ADAM12: variants seen among roughly 807,000 people sequenced by gnomAD.
The protein encoded by ADAM12 is disintegrin and metalloproteinase domain-containing protein 12.
In ADAM12, 70 loss-of-function variants were observed where a neutral mutation model predicts 106.4. The observed-to-expected ratio is 0.66, with a 90% CI of 0.54 to 0.80. The LOEUF (loss-of-function observed/expected upper bound fraction) is 0.80. ADAM12 is among the 30% of genes least tolerant of loss of function. The probability of loss-of-function intolerance (pLI) is 0.00; values close to 1 mark genes in which losing one functional copy is unlikely to be tolerated. For missense variants in ADAM12, 1,010 were observed against 1,171.9 expected (o/e 0.86, Z 2.02); for synonymous variants, 420 against 433.5 (o/e 0.97, Z 0.39).
chr10:126,327,273 A>T (rs1486257897), intron 2 of ADAM12, among the ~76,000 whole-genome samples: 2 of 152,154 alleles, frequency 1.3e-5, no homozygotes. Flanking sequence ...GAAAATCATG[A>T]TGAGTTAGAT....
At chr10:126,217,215 G>A (rs899640274) in intron 3 of ADAM12, among the ~76,000 whole-genome samples, 3 of 152,234 alleles carry the variant, frequency 2.0e-5, no homozygotes, top group Admixed American at 6.5e-5. Context: ...AATACATTGT[G>A]ATCTTTGAAA....
At chr10:126,342,111 A>T (rs1275224274) in intron 1 of ADAM12, among the ~76,000 whole-genome samples, 1 of 152,156 alleles carries the variant, frequency 6.6e-6, no homozygotes, top group Non-Finnish European at 1.5e-5. Flanking sequence ...ACTTGCAGGG[A>T]TGACTGTGGC....
intron 3 of ADAM12, among the ~76,000 whole-genome samples, chr10:126,180,675 G>C (rs1007672679): frequency 6.6e-6 from 1 of 152,166 alleles, no homozygotes; most frequent in African/African-American, 2.4e-5. Flanking sequence ...AAATATTTAT[G>C]AAGTTTTAAT....
At chr10:126,288,003 G>A (rs1466361953) in intron 2 of ADAM12, among the ~76,000 whole-genome samples, 1 of 151,724 alleles carries the variant, frequency 6.6e-6, no homozygotes, top group Non-Finnish European at 1.5e-5. Context: ...GGGGATGCAG[G>A]AGGAACACTA....
At chr10:126,118,765 G>A (rs576132243) in intron 5 of ADAM12, among the ~76,000 whole-genome samples, 16 of 152,200 alleles carry the variant, frequency 1.1e-4, no homozygotes, top group African/African-American at 3.1e-4. Flanking sequence ...CCCGCCTCTT[G>A]GCCTCCCCCT....
At chr10:126,248,136 G>A (rs569954457) in intron 3 of ADAM12, among the ~76,000 whole-genome samples, 2 of 152,290 alleles carry the variant, frequency 1.3e-5, no homozygotes, top group Admixed American at 1.3e-4. Context: ...GTCCTCATCT[G>A]CAGATTGAGT....
chr10:126,152,789 C>A (rs1353024924), intron 4 of ADAM12, among the ~76,000 whole-genome samples: 3 of 152,032 alleles, frequency 2.0e-5, no homozygotes, highest in African/African-American at 4.8e-5. Flanking sequence ...TTTTATCTTG[C>A]TATTTTATGT....
At chr10:126,080,528 G>A (rs188243151) in intron 11 of ADAM12, among the ~76,000 whole-genome samples, 1 of 148,308 alleles carries the variant, frequency 6.7e-6, no homozygotes, top group Admixed American at 6.7e-5. Context: ...CTGCGGCCCA[G>A]GAAAAAAAAG....
intron 17 of ADAM12, among the ~76,000 whole-genome samples, chr10:126,045,353 T>C (rs564153410): frequency 8.5e-4 from 129 of 152,246 alleles, no homozygotes; most frequent in Non-Finnish European, 1.5e-3. Flanking sequence ...ATGATGGTAA[T>C]TTACAACCCC....
intron 3 of ADAM12, among the ~76,000 whole-genome samples, chr10:126,217,956 C>T (rs1958018636): frequency 6.8e-6 from 1 of 147,040 alleles, no homozygotes; most frequent in Non-Finnish European, 1.5e-5. Flanking sequence ...GCCTGGGTAA[C>T]AGAGCAAGAC....
intron 11 of ADAM12, among the ~76,000 whole-genome samples, chr10:126,093,325 A>C (rs978572832): frequency 6.6e-6 from 1 of 152,210 alleles, no homozygotes; most frequent in African/African-American, 2.4e-5. Context: ...GAACACTCCA[A>C]ATAATGGAAC....
At chr10:126,133,634 G>A (rs1956348709) in intron 5 of ADAM12, among the ~76,000 whole-genome samples, 1 of 151,800 alleles carries the variant, frequency 6.6e-6, no homozygotes. Context: ...TCAGCTCCAA[G>A]CTCCCTGGCA....
chr10:126,197,284 T>C (rs1351230634), intron 3 of ADAM12, among the ~76,000 whole-genome samples: 1 of 152,186 alleles, frequency 6.6e-6, no homozygotes, highest in Non-Finnish European at 1.5e-5. Flanking sequence ...ATTGGTGAAC[T>C]CTGGAAGAAG....
At chr10:126,104,895 G>A (rs79621312) in intron 8 of ADAM12, among the ~76,000 whole-genome samples, 2,388 of 152,288 alleles carry the variant, frequency 0.016, 76 homozygotes, top group East Asian at 0.079. Context: ...TGGCACAGTC[G>A]TTGTTTTCTG....
intron 3 of ADAM12, among the ~76,000 whole-genome samples, chr10:126,174,897 C>A (rs1048560638): frequency 1.3e-5 from 2 of 151,994 alleles, no homozygotes; most frequent in African/African-American, 4.8e-5. Context: ...GGACTACAGG[C>A]ACCTGCCACC....
intron 3 of ADAM12, among the ~76,000 whole-genome samples, chr10:126,165,107 C>G (rs1321233897): frequency 6.6e-6 from 1 of 152,168 alleles, no homozygotes; most frequent in Admixed American, 6.5e-5. Flanking sequence ...TTGCCCTCAT[C>G]ATCTTGCCAT....
intron 14 of ADAM12, among the ~76,000 whole-genome samples, chr10:126,052,837 G>A (rs1402064067): frequency 1.3e-5 from 2 of 152,186 alleles, no homozygotes; most frequent in Non-Finnish European, 2.9e-5. Context: ...AAGTATAAAA[G>A]CATTCTGGAA....
At chr10:126,277,429 C>T (rs1250488415) in intron 3 of ADAM12, among the ~76,000 whole-genome samples, 2 of 152,106 alleles carry the variant, frequency 1.3e-5, no homozygotes, top group African/African-American at 4.8e-5. Flanking sequence ...CTAAATCCAG[C>T]TGCCCACCAC....
intron 5 of ADAM12, among the ~76,000 whole-genome samples, chr10:126,121,245 G>T (rs1378857362): frequency 2.0e-5 from 2 of 101,552 alleles, no homozygotes; most frequent in Non-Finnish European, 3.5e-5. Flanking sequence ...ATACTATATA[G>T]TATATACATA....
Sources: gnomAD v4.1 joint callset for allele counts (sites outside exome capture counted in the v4.1 genomes callset) on GRCh38, gnomAD v4.1.1 for gene constraint, MANE v1.5 for transcripts, NCBI Gene and HGNC (gene_info 2026-07-23, HGNC 2026-07-21) for gene names.